The following CHID1 variants were observed in gnomAD, a reference collection of about 807,000 sequenced individuals.
The protein encoded by CHID1 is chitinase domain containing 1.
In CHID1, 44 loss-of-function variants were observed where a neutral mutation model predicts 55.4. The observed-to-expected ratio is 0.79, with a 90% CI of 0.62 to 1.02. The LOEUF is 1.02. CHID1 is among the 50% of genes least tolerant of loss of function. CHID1 has a pLI of 0.00. For synonymous variants in CHID1, 216 were observed against 212.9 expected (o/e 1.01, Z -0.13); for missense variants, 491 against 515.3 (o/e 0.95, Z 0.46).
chr11:890,998 T>C (rs1850775964), intron 8 of CHID1, among the ~76,000 whole-genome samples: 1 of 151,788 alleles, frequency 6.6e-6, no homozygotes, highest in Non-Finnish European at 1.5e-5. Context: ...TCTTGGGAGG[T>C]GAGTGACAAG....
intron 7 of CHID1, among the ~76,000 whole-genome samples, chr11:894,876 T>G (rs1851146440): frequency 6.6e-6 from 1 of 152,146 alleles, no homozygotes; most frequent in Non-Finnish European, 1.5e-5. Context: ...ATGGCCCAAG[T>G]GGGACTGTCA....
chr11:873,475 A>G (rs901099137), intron 10 of CHID1, among the ~76,000 whole-genome samples: 19 of 152,012 alleles, frequency 1.2e-4, no homozygotes, highest in African/African-American at 4.6e-4. Flanking sequence ...GTGAGTGGGG[A>G]GCGAGCGAGG....
chr11:877,074 G>A (rs1388998128), intron 10 of CHID1, among the ~76,000 whole-genome samples: 1 of 152,184 alleles, frequency 6.6e-6, no homozygotes, highest in South Asian at 2.1e-4. Flanking sequence ...TGGGAGTGAG[G>A]ACCCAGAAGC....
At chr11:890,459 C>A (rs921733795) in intron 8 of CHID1, among the ~76,000 whole-genome samples, 1 of 152,238 alleles carries the variant, frequency 6.6e-6, no homozygotes, top group African/African-American at 2.4e-5. Flanking sequence ...AGGGTCGCGG[C>A]CCCGCCCACC....
At chr11:904,669 C>T in intron 2 of CHID1, 37 bp downstream of exon 2, 11 of 1,612,604 alleles carry the variant, frequency 6.8e-6, no homozygotes, top group Non-Finnish European at 9.3e-6. Context: ...CAGCCCTCAG[C>T]CAGTACAGTC....
intron 1 of CHID1, chr11:908,511 G>T: frequency 4.3e-6 from 4 of 926,780 alleles, no homozygotes; most frequent in Non-Finnish European, 5.2e-6. Context: ...TTCTGGCCAT[G>T]GCACAGGGAA....
At chr11:910,542 C>T (rs1852591714) in intron 1 of CHID1, 1 of 1,032,498 alleles carries the variant, frequency 9.7e-7, no homozygotes, top group Non-Finnish European at 1.2e-6. Context: ...GCCCTCCACC[C>T]CCGCTCTCGC....
intron 10 of CHID1, among the ~76,000 whole-genome samples, chr11:870,970 G>A (rs989087985): frequency 8.0e-5 from 12 of 150,090 alleles, no homozygotes; most frequent in Admixed American, 1.3e-4. Context: ...ATGGCTGCCC[G>A]GGGCAGTGGT....
chr11:881,353 G>A (rs1849904060), intron 10 of CHID1, among the ~76,000 whole-genome samples: 1 of 152,080 alleles, frequency 6.6e-6, no homozygotes, highest in African/African-American at 2.4e-5. Context: ...AGGCTGGGTG[G>A]TGAGGGAAAG....
intron 7 of CHID1, among the ~76,000 whole-genome samples, chr11:894,331 G>A (rs1361812088): frequency 1.3e-5 from 2 of 152,036 alleles, no homozygotes; most frequent in Non-Finnish European, 2.9e-5. Flanking sequence ...GAGGTGGAGG[G>A]GGCAGGAGCA....
At chr11:903,417 G>A (rs533219491) in intron 2 of CHID1, among the ~76,000 whole-genome samples, 2 of 152,332 alleles carry the variant, frequency 1.3e-5, no homozygotes, top group East Asian at 1.9e-4. Flanking sequence ...GAGGGTGGAC[G>A]GTCTGCACCA....
At chr11:906,544 C>T (rs184507626) in intron 1 of CHID1, among the ~76,000 whole-genome samples, 17 of 152,194 alleles carry the variant, frequency 1.1e-4, no homozygotes, top group Admixed American at 9.8e-4. Flanking sequence ...ACGTTGAAAA[C>T]ATGAGGATGT....
Position 902,957 on chromosome 11 carries a change from C to T in CHID1, c.261+5G>A. On this transcript the variant is annotated splice_donor_5th_base_variant and intron_variant, in intron 3 of 12. Coordinates refer to ENST00000323578, the MANE Select transcript of CHID1 (RefSeq NM_023947.4). The stretch of plus-strand genomic sequence containing the variant: ...TCCCTCTGCACTGTGAGGGCCCCAA[C>T]TTACTGGAGTGACATAGCCCAGTAC... 6.2e-7 allele frequency: 1 copy of T among 1,612,842 alleles called. No homozygotes were observed. Among genetic ancestry groups the T allele is most frequent in the Middle Eastern group, 1.7e-4 (1 of 6,060 alleles).
chr11:902,871 T>C (rs1851923571), intron 3 of CHID1, 91 bp downstream of exon 3: 1 of 1,235,270 alleles, frequency 8.1e-7, no homozygotes, highest in African/African-American at 1.5e-5. Context: ...TAGACCCCCA[T>C]CACTGACTGG....
chr11:871,596 C>G (rs1439142210), intron 10 of CHID1, among the ~76,000 whole-genome samples: 3 of 1,728 alleles, frequency 1.7e-3, no homozygotes, highest in African/African-American at 4.7e-3. Context: ...GGAACATGAC[C>G]AGTGCCTGCT....
Position 869,871 on chromosome 11 carries a change from TAGA to T in CHID1, c.1166_1168del (p.Phe389del), listed in dbSNP as rs1311191861. ...CGCAATGCCCACCTAGAGCAGGTCG[TAGA>T]AGTAGTCCAGGCCCTGGCCCAGCTC... is the stretch of plus-strand genomic sequence containing the variant. On this transcript the variant is annotated inframe_deletion, in exon 13 of 13. Coordinates refer to ENST00000323578, the MANE Select transcript of CHID1 (RefSeq NM_023947.4). 3.1e-6 allele frequency: 5 copies of T among 1,612,730 alleles called. No individual in the cohort carries two copies. Among genetic ancestry groups the T allele is most frequent in the Non-Finnish European group, 4.2e-6 (5 of 1,179,858 alleles).
At position 871,703 on chromosome 11, in the gene CHID1, A is replaced by G. The variant is rs374697188; in HGVS notation, c.960-1204T>C. Among the ~76,000 whole-genome samples the G allele has an allele frequency of 5.9e-5, 9 of 152,326 alleles. No individual in the cohort carries two copies. The East Asian group carries it at 1.7e-3, about 29-fold the overall frequency. ...CCCGGGTGCCATGTGGGAGGGGAGGACAGGCAGTAGGCAACTGCAGGGGCG... is the reference window on the plus strand; with the variant it reads ...CCCGGGTGCCATGTGGGAGGGGAGGGCAGGCAGTAGGCAACTGCAGGGGCG... On this transcript the variant is annotated intron_variant, in intron 10 of 12. Coordinates refer to ENST00000323578, the MANE Select transcript of CHID1 (RefSeq NM_023947.4).
Position 884,283 on chromosome 11 carries a change from A to G in CHID1, c.702-114T>C, listed in dbSNP as rs528786050. 1.7e-4 allele frequency: 123 copies of G among 724,134 alleles called. 1 individual carries two copies. Among genetic ancestry groups the G allele is most frequent in the Non-Finnish European group, 2.6e-4 (111 of 433,878 alleles). The allele number at this position is 724,134 out of a possible 1,614,324, so 44.9% of individuals were successfully genotyped here. A position where few individuals can be genotyped will look rare whatever the true frequency, so the allele number is the denominator to read the frequency against. On this transcript the variant is annotated intron_variant, in intron 8 of 12. Coordinates refer to ENST00000323578, the MANE Select transcript of CHID1 (RefSeq NM_023947.4). ...GACTTGGGTCACTTTTCCCAAGGGG[A>G]AAAGTGTTCTTCTGGGGTGGGGACA... is the stretch of plus-strand genomic sequence containing the variant.
chr11:900,775 G>A (rs1249167144), intron 5 of CHID1, among the ~76,000 whole-genome samples, 161 bp downstream of exon 5: 1 of 152,218 alleles, frequency 6.6e-6, no homozygotes, highest in Admixed American at 6.5e-5. Context: ...TAAGGGCTGT[G>A]AATGCCAGGC....
Sources: allele counts gnomAD v4.1 joint callset (sites outside exome capture counted in the v4.1 genomes callset), GRCh38; gene constraint gnomAD v4.1.1; transcripts MANE v1.5; gene names NCBI Gene and HGNC (gene_info 2026-07-23, HGNC 2026-07-21).